BCL3: variants seen among roughly 807,000 people sequenced by gnomAD.
BCL3 encodes B-cell lymphoma 3 protein.
Under a neutral mutation model 35.7 loss-of-function variants are expected in BCL3, and 15 were observed. The observed-to-expected ratio is 0.42, with a 90% confidence interval of 0.28 to 0.65. The LOEUF (loss-of-function observed/expected upper bound fraction) is 0.65, where lower values mean the gene tolerates loss of function less well. Ranked by LOEUF, BCL3 falls within the 30% of genes least tolerant of loss-of-function variation. The pLI, the probability that BCL3 is intolerant of heterozygous loss-of-function variation, is 0.22. For synonymous variants in BCL3, 311 were observed against 284.3 expected (o/e 1.09, Z -0.95); for missense variants, 565 against 641.7 (o/e 0.88, Z 1.29).
intron 3 of BCL3, 74 bp from the exon 4 acceptor site, chr19:44,756,943 G>C: frequency 7.2e-7 from 1 of 1,385,854 alleles, no homozygotes; most frequent in South Asian, 1.3e-5. Context: ...AGGAATAAGG[G>C]TTCAGAAAAC....
chr19:44,757,586 C>T lies in BCL3; in HGVS notation c.814-60C>T. 2 of 1,585,706 alleles carry T rather than the reference C, an allele frequency of 1.3e-6. No individual in the cohort carries two copies. The highest frequency in any genetic ancestry group is 2.2e-5 in the East Asian group (1 of 44,596). On this transcript the variant is annotated intron_variant, in intron 5 of 8. Coordinates refer to ENST00000164227, the MANE Select transcript of BCL3 (RefSeq NM_005178.5). The surrounding 1 kb of genome is among the most constrained non-coding windows in gnomAD (Gnocchi z 8.4). ...CCGCGAATGGGATGTGGACGGGATG[C>T]GGGTCGCCGGCTGCTGGAGCAGAGC...
chr19:44,758,911 C>A, intron 8 of BCL3, 70 bp downstream of exon 8: 2 of 1,300,166 alleles, frequency 1.5e-6, no homozygotes, highest in Non-Finnish European at 2.1e-6. Flanking sequence ...AACCCACAGC[C>A]CCTCCTCCCT....
chr19:44,757,737 C>A lies in BCL3; in HGVS notation c.891+14C>A. On this transcript the variant is annotated intron_variant, in intron 6 of 8. Coordinates refer to ENST00000164227, the MANE Select transcript of BCL3 (RefSeq NM_005178.5). The surrounding 1 kb of genome is among the most constrained non-coding windows in gnomAD (Gnocchi z 8.4). Reference sequence around the variant, plus strand: ...CTGCTGCTGCAGGTGCGTACAGCCCCCCTGAGCCTCGCGCCCACCCTATCC... The same window carrying A: ...CTGCTGCTGCAGGTGCGTACAGCCCACCTGAGCCTCGCGCCCACCCTATCC... The A allele has an allele frequency of 6.2e-7, 1 of 1,612,782 alleles. No individual in the cohort carries two copies. The highest frequency in any genetic ancestry group is 2.2e-5 in the East Asian group (1 of 44,852).
chr19:44,748,540 C>T, upstream of BCL3: 1 of 251,746 alleles, frequency 4.0e-6, no homozygotes, highest in Non-Finnish European at 6.3e-6. Flanking sequence ...GCAAGCGGGG[C>T]GCGGCGCGGG....
chr19:44,751,589 A>G (rs1442626854), intron 2 of BCL3, among the ~76,000 whole-genome samples: 1 of 151,864 alleles, frequency 6.6e-6, no homozygotes, highest in South Asian at 2.1e-4. Context: ...CTAGGCCACT[A>G]TTTTTGTTTG....
chr19:44,748,738 C>A lies in BCL3; in HGVS notation c.-53C>A. The A allele has an allele frequency of 9.3e-7, 1 of 1,075,936 alleles. No homozygotes were observed. The highest frequency in any genetic ancestry group is 5.6e-5 in the East Asian group (1 of 17,730). 66.6% of individuals were successfully genotyped at this position (1,075,936 alleles called of 1,614,324 possible). On this transcript the variant is annotated 5_prime_UTR_variant, in exon 1 of 9. Transcript: ENST00000164227. ...AAGTCCCGGCGCCCGGCGAAACCAC[C>A]CTCCCGTGCAGCCGAGCCCAGCCGC...
At chr19:44,748,678 G>T, upstream of BCL3, 2 of 1,042,028 alleles carry the variant, frequency 1.9e-6, no homozygotes, top group Non-Finnish European at 2.3e-6. Context: ...CGCCCCGGCC[G>T]ACAAAAGTCC....
chr19:44,759,501 T>G lies in BCL3; in HGVS notation c.1251T>G (p.Ala417=). Residue 417 remains alanine (A), a synonymous_variant, in exon 9 of 9, where the codon GCT becomes GCG. Coordinates refer to ENST00000164227, the MANE Select transcript of BCL3 (RefSeq NM_005178.5). ...GGGACCCCCCTGGATTCCCCATGGC[T>G]CCTCCCAATTTCTTCCTTCCTTCCC... ...PPRDPPGFPM[A]PPNFFLPSPS... is the part of the protein sequence containing the mutation. 6.2e-7 allele frequency: 1 copy of G among 1,610,272 alleles called. No homozygotes were observed. Among genetic ancestry groups the G allele is most frequent in the South Asian group, 1.1e-5 (1 of 90,862 alleles).
Position 44,759,715 on chromosome 19 carries a change from C to CT in BCL3, c.*100_*101insT. On this transcript the variant is annotated 3_prime_UTR_variant, in exon 9 of 9. Transcript: ENST00000164227. ...TGTGAAGATCTCACTCTGCCCCCCC[C>CT]CCCCATCTTCGGGACCAGGATTTGC... 1 of 652,078 alleles carries CT rather than the reference C, an allele frequency of 1.5e-6. No homozygotes were observed. Among genetic ancestry groups the CT allele is most frequent in the Non-Finnish European group, 2.5e-6 (1 of 395,770 alleles). The allele number at this position is 652,078 out of a possible 1,614,324, so 40.4% of individuals were successfully genotyped here.
rs1296676287 is a variant in BCL3, at chr19:44,751,268, C to T, written c.298C>T (p.Pro100Ser). ...PLYPTRAMGSPFPLVNLPTPL... is the reference protein window; with the variant it reads ...PLYPTRAMGSSFPLVNLPTPL... ...GTACCCCACTCGGGCCATGGGCTCC[C>T]CGTTTCCTCTGGTGAACCTGCCTAC... is the stretch of plus-strand genomic sequence containing the variant. The change falls in exon 2 of 9, where the codon CCG (proline) becomes TCG (serine). Residue 100 changes from proline to serine, a missense_variant. Around this residue, in one of 5 missense-constraint regions of BCL3, gnomAD observed 267 missense variants for 281.5 expected, o/e 0.95. Transcript: ENST00000164227. 6.2e-7 allele frequency: 1 copy of T among 1,611,388 alleles called. No individual in the cohort carries two copies. Among genetic ancestry groups the T allele is most frequent in the Non-Finnish European group, 8.5e-7 (1 of 1,179,006 alleles).
chr19:44,756,319 C>T lies in BCL3; in HGVS notation c.498C>T (p.Asp166=). The change falls in exon 3 of 9, where the codon GAC becomes GAT. Residue 166 remains aspartate (D), a synonymous_variant. Coordinates refer to ENST00000164227, the MANE Select transcript of BCL3 (RefSeq NM_005178.5). ...NLFQQGGREL[D]IYNNLRQTPL... is the part of the protein sequence containing the mutation. ...TCCAGCAGGGGGGCCGGGAGCTCGACATCTACAACAACCTACGGCAGGTGA... is the reference window on the plus strand; with the variant it reads ...TCCAGCAGGGGGGCCGGGAGCTCGATATCTACAACAACCTACGGCAGGTGA... The T allele has an allele frequency of 6.5e-7, 1 of 1,532,596 alleles. No homozygotes were observed. 94.9% of individuals were successfully genotyped at this position (1,532,596 alleles called of 1,614,324 possible).
rs775268394 is a variant in BCL3, at chr19:44,751,301, T to C, written c.331T>C (p.Tyr111His). ...FPLVNLPTPLYPMMCPMEHPL... is the reference protein window; with the variant it reads ...FPLVNLPTPLHPMMCPMEHPL... ...TCTGGTGAACCTGCCTACACCCCTA[T>C]ACCCCATGATGTGCCCCATGGAACA... is the stretch of plus-strand genomic sequence containing the variant. Residue 111 changes from tyrosine (Y) to histidine (H), a missense_variant, in exon 2 of 9, where the codon TAC becomes CAC. By Grantham distance (83) the Tyr-to-His change is moderately conservative (BLOSUM62 2). Transcript: ENST00000164227. 1.5e-5 allele frequency: 24 copies of C among 1,609,220 alleles called. No homozygotes were observed. Among genetic ancestry groups the C allele is most frequent in the African/African-American group, 2.7e-5 (2 of 74,528 alleles).
chr19:44,748,099 G>T (rs1003836675), upstream of BCL3: 5 of 1,333,230 alleles, frequency 3.8e-6, no homozygotes, highest in Non-Finnish European at 4.9e-6. Flanking sequence ...GCTCAGAGAG[G>T]GGAAGTGTTT....
In BCL3 at chr19:44,759,689, C is replaced by A; in HGVS notation, c.*74C>A. 2 of 986,296 alleles carry A rather than the reference C, an allele frequency of 2.0e-6. No homozygotes were observed. The highest frequency in any genetic ancestry group is 2.9e-6 in the Non-Finnish European group (2 of 689,364). The allele number at this position is 986,296 out of a possible 1,614,324, so 61.1% of individuals were successfully genotyped here. ...CCTGTGGGGTCAACCCTTCTGGAAA[C>A]TGTGAAGATCTCACTCTGCCCCCCC... On this transcript the variant is annotated 3_prime_UTR_variant, in exon 9 of 9. Transcript: ENST00000164227.
chr19:44,758,311 C>G lies in BCL3; in HGVS notation c.957C>G (p.Arg319=). 1.9e-6 allele frequency: 3 copies of G among 1,569,436 alleles called. No individual in the cohort carries two copies. The highest frequency in any genetic ancestry group is 2.6e-6 in the Non-Finnish European group (3 of 1,166,454). Reference sequence around the variant, plus strand: ...CCGCCCTGCACTCAGCGTCCGGCCGCGGGCTCCTCCCGCTGGTGCGCACGC... The same window carrying G: ...CCGCCCTGCACTCAGCGTCCGGCCGGGGGCTCCTCCCGCTGGTGCGCACGC... ...GSSALHSASG[R]GLLPLVRTLV... Residue 319 remains arginine, a synonymous_variant, in exon 7 of 9, where the codon CGC becomes CGG. Transcript: ENST00000164227.
chr19:44,756,244 T>C lies in BCL3; in HGVS notation c.423T>C (p.Ile141=). 3 of 1,525,272 alleles carry C rather than the reference T, an allele frequency of 2.0e-6. No homozygotes were observed. The highest frequency in any genetic ancestry group is 8.8e-7 in the Non-Finnish European group (1 of 1,131,876). The allele number at this position is 1,525,272 out of a possible 1,614,324, so 94.5% of individuals were successfully genotyped here. A position where few individuals can be genotyped will look rare whatever the true frequency, so the allele number is the denominator to read the frequency against. ...CCCCCACCCCCAGGCCTCTCCATATTGCTGTGGTGCAGGGTAACCTGCCAG... is the reference window on the plus strand; with the variant it reads ...CCCCCACCCCCAGGCCTCTCCATATCGCTGTGGTGCAGGGTAACCTGCCAG... ...ADEDGDTPLH[I]AVVQGNLPAV... is the part of the protein sequence containing the mutation. Residue 141 remains isoleucine (I), a synonymous_variant, in exon 3 of 9, where the codon ATT becomes ATC. Coordinates refer to ENST00000164227, the MANE Select transcript of BCL3 (RefSeq NM_005178.5).
Position 44,759,579 on chromosome 19 carries a change from G to A in BCL3, c.1329G>A (p.Arg443=), listed in dbSNP as rs748623968. ...CTGGGGTCCTCCGAGGCCCTGGCCG[G>A]CCGGTGCCCCCCTCCCCAGCTCCAG... is the stretch of plus-strand genomic sequence containing the variant. The part of the protein sequence containing the change: ...PFAGVLRGPG[R]PVPPSPAPGG... Residue 443 remains arginine (R), a synonymous_variant, in exon 9 of 9, where the codon CGG becomes CGA. Coordinates refer to ENST00000164227, the MANE Select transcript of BCL3 (RefSeq NM_005178.5). The A allele has an allele frequency of 1.2e-6, 2 of 1,609,256 alleles. No homozygotes were observed. Among genetic ancestry groups the A allele is most frequent in the Admixed American group, 1.7e-5 (1 of 59,788 alleles).
chr19:44,747,716 C>A, upstream of BCL3: 1 of 677,792 alleles, frequency 1.5e-6, no homozygotes, highest in Non-Finnish European at 1.9e-6. Context: ...AACTGCTCCC[C>A]GCTCCTGCAG....
At chr19:44,751,453 C>G in intron 2 of BCL3, 73 bp downstream of exon 2, 1 of 1,421,022 alleles carries the variant, frequency 7.0e-7, no homozygotes, top group Non-Finnish European at 9.4e-7. Context: ...GGCCACTCAG[C>G]TCCCAGTGGA....
Sources: gnomAD v4.1 joint callset for allele counts (sites outside exome capture counted in the v4.1 genomes callset) on GRCh38, gnomAD v4.1.1 for gene constraint, gnomAD v4.1.1 regional missense constraint, Gnocchi (gnomAD v3.1) non-coding constraint, MANE v1.5 for transcripts, NCBI Gene and HGNC (gene_info 2026-07-23, HGNC 2026-07-21) for gene names.